The following LPP variants were observed in gnomAD, a reference collection of about 807,000 sequenced individuals.
LPP encodes lipoma-preferred partner.
In LPP, 38 loss-of-function variants were observed where a neutral mutation model predicts 60.4. The ratio of observed to expected loss-of-function variants is 0.63; its 90% CI spans 0.49 to 0.83. The LOEUF (loss-of-function observed/expected upper bound fraction) is 0.83. LPP is among the 40% of genes least tolerant of loss of function. LPP has a pLI of 0.00. For synonymous variants in LPP, 328 were observed against 290.8 expected (o/e 1.13, Z -1.30); for missense variants, 902 against 783.6 (o/e 1.15, Z -1.80).
chr3:188,787,659 C>T (rs1417469152), intron 9 of LPP, among the ~76,000 whole-genome samples: 1 of 152,172 alleles, frequency 6.6e-6, no homozygotes, highest in Non-Finnish European at 1.5e-5. Context: ...ACTTCTATAG[C>T]ACCGTACACT....
At chr3:188,213,249 G>T (rs1424302761) in intron 1 of LPP, among the ~76,000 whole-genome samples, 1 of 152,192 alleles carries the variant, frequency 6.6e-6, no homozygotes, top group African/African-American at 2.4e-5. Context: ...TGTAGCATTT[G>T]CACAGCATCC....
intron 3 of LPP, among the ~76,000 whole-genome samples, chr3:188,377,260 T>C (rs994630258): frequency 1.3e-5 from 2 of 152,230 alleles, no homozygotes; most frequent in African/African-American, 4.8e-5. Context: ...CCTGCCTTGC[T>C]AGATTGGGGA....
chr3:188,744,043 G>A (rs1725312574), intron 8 of LPP, among the ~76,000 whole-genome samples: 1 of 152,010 alleles, frequency 6.6e-6, no homozygotes, highest in Non-Finnish European at 1.5e-5. Context: ...ATCTCTTTTG[G>A]TGAGTTTGAT....
chr3:188,431,924 A>G (rs758814833), intron 4 of LPP, among the ~76,000 whole-genome samples: 6 of 152,302 alleles, frequency 3.9e-5, no homozygotes, highest in Middle Eastern at 3.4e-3. Context: ...CGCCCTCAGT[A>G]TATTCCTCTG....
intron 3 of LPP, among the ~76,000 whole-genome samples, chr3:188,400,364 C>G (rs544664881): frequency 6.6e-6 from 1 of 152,298 alleles, no homozygotes; most frequent in East Asian, 1.9e-4. Flanking sequence ...TATTCAACCT[C>G]TTACAGTCTT....
At chr3:188,175,026 T>C (rs1722670204) in intron 1 of LPP, among the ~76,000 whole-genome samples, 1 of 152,236 alleles carries the variant, frequency 6.6e-6, no homozygotes, top group Admixed American at 6.5e-5. Flanking sequence ...GTTGGATGGA[T>C]GGACAGGTTT....
At chr3:188,600,532 T>G (rs987965867) in intron 6 of LPP, among the ~76,000 whole-genome samples, 43 of 152,020 alleles carry the variant, frequency 2.8e-4, no homozygotes, top group African/African-American at 1.0e-3. Flanking sequence ...CATATTATTA[T>G]TTTTATTATA....
chr3:188,803,045 C>CTTTTTTT (rs374563246), intron 9 of LPP, among the ~76,000 whole-genome samples: 7 of 130,448 alleles, frequency 5.4e-5, no homozygotes, highest in Non-Finnish European at 9.6e-5. Flanking sequence ...GTTGTATATG[C>CTTTTTTT]TTTTTTTTTT....
intron 3 of LPP, among the ~76,000 whole-genome samples, chr3:188,360,865 GT>G (rs1769090236): frequency 1.3e-5 from 2 of 152,114 alleles, no homozygotes; most frequent in Admixed American, 6.5e-5. Flanking sequence ...GAGTTTCCTT[GT>G]CTCTAAAATA....
At chr3:188,532,844 A>G (rs62289657) in intron 6 of LPP, among the ~76,000 whole-genome samples, 13,344 of 152,236 alleles carry the variant, frequency 0.088, 751 homozygotes, top group Middle Eastern at 0.17. Context: ...TTGTGTCTGG[A>G]GTTTGTTTTA....
chr3:188,671,785 C>A (rs2149262749), intron 7 of LPP, among the ~76,000 whole-genome samples: 1 of 152,254 alleles, frequency 6.6e-6, no homozygotes, highest in African/African-American at 2.4e-5. Flanking sequence ...ACTAGGCACC[C>A]ACCCTCAGTG....
Position 188,669,606 on chromosome 3 carries a change from A to G in LPP, c.1114-38661A>G, listed in dbSNP as rs553859366. Among the ~76,000 whole-genome samples the G allele has an allele frequency of 5.3e-4, 80 of 152,128 alleles. 1 individual carries two copies. The highest frequency in any genetic ancestry group is 1.0e-3 in the Non-Finnish European group (71 of 68,012). On this transcript the variant is annotated intron_variant, in intron 7 of 11. Coordinates refer to ENST00000617246, the MANE Select transcript of LPP (RefSeq NM_001375462.1). ...AATAAAAAATAAAAGTCAGGAAACA[A>G]CAGGTGATGCAGGTGATGGAGATGA... is the stretch of plus-strand genomic sequence containing the variant.
At chr3:188,633,029 C>G (rs1848121852) in intron 7 of LPP, among the ~76,000 whole-genome samples, 1 of 152,148 alleles carries the variant, frequency 6.6e-6, no homozygotes, top group Non-Finnish European at 1.5e-5. Flanking sequence ...AAGTTGTTGG[C>G]CAGCCATCAC....
At chr3:188,808,480 G>C (rs963767503) in intron 9 of LPP, among the ~76,000 whole-genome samples, 19 of 151,918 alleles carry the variant, frequency 1.3e-4, no homozygotes, top group Non-Finnish European at 2.6e-4. Context: ...CCTATGATGA[G>C]TTATCACTGG....
At chr3:188,343,200 G>A (rs1578210513) in intron 3 of LPP, among the ~76,000 whole-genome samples, 3 of 152,152 alleles carry the variant, frequency 2.0e-5, no homozygotes, top group Admixed American at 2.0e-4. Context: ...GATGTGTGAT[G>A]TTCCCCTCCC....
intron 8 of LPP, chr3:188,708,704 A>T (rs1020874229): frequency 2.3e-6 from 1 of 444,316 alleles, no homozygotes; most frequent in African/African-American, 2.0e-5. Context: ...TTAAAAATAC[A>T]AAAATTAGCT....
At chr3:188,260,120 A>G (rs951776246) in intron 2 of LPP, among the ~76,000 whole-genome samples, 2 of 151,848 alleles carry the variant, frequency 1.3e-5, no homozygotes, top group African/African-American at 4.8e-5. Context: ...GCTGACTGCA[A>G]CCCCTGCCTC....
At chr3:188,833,997 C>A (rs911829734) in intron 9 of LPP, among the ~76,000 whole-genome samples, 7 of 152,078 alleles carry the variant, frequency 4.6e-5, no homozygotes, top group Admixed American at 3.3e-4. Flanking sequence ...TTGCCTGCTT[C>A]GGGAAGAACA....
intron 2 of LPP, among the ~76,000 whole-genome samples, chr3:188,339,390 A>G (rs1310080069): frequency 6.6e-6 from 1 of 152,172 alleles, no homozygotes; most frequent in Non-Finnish European, 1.5e-5. Context: ...TTAAAATGAG[A>G]CTGATTGGTG....
Sources: allele counts gnomAD v4.1 joint callset (sites outside exome capture counted in the v4.1 genomes callset), GRCh38; gene constraint gnomAD v4.1.1; transcripts MANE v1.5; gene names NCBI Gene and HGNC (gene_info 2026-07-23, HGNC 2026-07-21).